CFAP70: variants seen among roughly 807,000 people sequenced by gnomAD.
CFAP70 encodes the protein cilia and flagella associated protein 70.
CFAP70 carries 81 observed loss-of-function variants against 137.6 expected under a neutral mutation model. The ratio of observed to expected loss-of-function variants is 0.59; its 90% CI spans 0.49 to 0.71. CFAP70 has a LOEUF of 0.71. Among genes scored for constraint, CFAP70 ranks in the 30% least tolerant of loss-of-function variants. The pLI, the probability that CFAP70 is intolerant of heterozygous loss-of-function variation, is 0.00. For missense variants in CFAP70, 976 were observed against 1,226.7 expected (o/e 0.80, Z 3.05); for synonymous variants, 382 against 423.6 (o/e 0.90, Z 1.20).
At chr10:73,322,764 A>AG (rs1220160818) in intron 9 of CFAP70, among the ~76,000 whole-genome samples, 199 bp downstream of exon 10, 5 of 152,156 alleles carry the variant, frequency 3.3e-5, no homozygotes, top group African/African-American at 1.2e-4. Context: ...ATAGAGATTT[A>AG]GGTTTTCAGT....
chr10:73,260,791 T>C (rs992910654), intron 25 of CFAP70, among the ~76,000 whole-genome samples: 2 of 152,232 alleles, frequency 1.3e-5, no homozygotes, highest in Non-Finnish European at 2.9e-5. Flanking sequence ...TGAATCAGAA[T>C]TTCATTTTAA....
intron 6 of CFAP70, among the ~76,000 whole-genome samples, chr10:73,340,663 G>A (rs113794116): frequency 5.3e-5 from 8 of 152,304 alleles, no homozygotes; most frequent in Admixed American, 3.3e-4. Flanking sequence ...TCCCATGCTC[G>A]TGGGTGCCCA....
chr10:73,331,126 G>T, intron 8 of CFAP70, 51 bp downstream of exon 9: 1 of 1,272,598 alleles, frequency 7.9e-7, no homozygotes, highest in Non-Finnish European at 1.1e-6. Context: ...ATAACAGGTC[G>T]GGTCTGATTC....
intron 24 of CFAP70, among the ~76,000 whole-genome samples, chr10:73,270,850 T>C (rs1384309971): frequency 6.6e-6 from 1 of 151,688 alleles, no homozygotes; most frequent in Non-Finnish European, 1.5e-5. Context: ...TTTTTCTGCT[T>C]TAAAATAATT....
intron 19 of CFAP70, among the ~76,000 whole-genome samples, chr10:73,287,238 C>T (rs543507303): frequency 6.6e-6 from 1 of 152,138 alleles, no homozygotes; most frequent in South Asian, 2.1e-4. Flanking sequence ...AATTTCAGAG[C>T]CTATTGCTCC....
chr10:73,311,723 A>T, intron 11 of CFAP70, 111 bp downstream of exon 12: 1 of 908,536 alleles, frequency 1.1e-6, no homozygotes, highest in Admixed American at 2.0e-5. Flanking sequence ...GTCATGGGCA[A>T]ATATGGAATG....
chr10:73,278,744 G>C (rs2046992123), intron 19 of CFAP70, among the ~76,000 whole-genome samples: 1 of 151,660 alleles, frequency 6.6e-6, no homozygotes, highest in South Asian at 2.1e-4. Context: ...ACTTTGGGAG[G>C]CCGAGGCAGG....
chr10:73,292,829 T>C (rs1052724928), intron 16 of CFAP70, among the ~76,000 whole-genome samples: 1 of 152,176 alleles, frequency 6.6e-6, no homozygotes, highest in Non-Finnish European at 1.5e-5. Flanking sequence ...CTTTGCTCTA[T>C]GGAGCAAAGT....
chr10:73,255,360 A>G (rs373348293), intron 26 of CFAP70, among the ~76,000 whole-genome samples: 4 of 151,928 alleles, frequency 2.6e-5, no homozygotes, highest in African/African-American at 9.7e-5. Flanking sequence ...GCGCCACTGC[A>G]CTCCAGCCTG....
At chr10:73,350,710 T>C (rs2054123603) in intron 3 of CFAP70, among the ~76,000 whole-genome samples, 3 of 152,246 alleles carry the variant, frequency 2.0e-5, no homozygotes, top group South Asian at 4.1e-4. Flanking sequence ...TTATGGTACT[T>C]ACATGATTTA....
At chr10:73,350,078 C>T (rs1295599669) in intron 3 of CFAP70, among the ~76,000 whole-genome samples, 1 of 152,202 alleles carries the variant, frequency 6.6e-6, no homozygotes, top group African/African-American at 2.4e-5. Flanking sequence ...TGTTCAAAGA[C>T]CACATATTGC....
chr10:73,272,790 TG>T (rs2133748679), intron 24 of CFAP70, 137 bp downstream of exon 25: 1 of 785,714 alleles, frequency 1.3e-6, no homozygotes, highest in Admixed American at 2.0e-5. Flanking sequence ...TGAACACCTT[TG>T]AAGAACAACT....
chr10:73,290,970 C>T (rs1014930105), intron 19 of CFAP70, among the ~76,000 whole-genome samples: 18 of 152,078 alleles, frequency 1.2e-4, no homozygotes, highest in Admixed American at 7.2e-4. Flanking sequence ...TTACTGAGTG[C>T]CTACCATGTG....
intron 7 of CFAP70, among the ~76,000 whole-genome samples, chr10:73,334,355 G>A (rs563948869): frequency 6.6e-6 from 1 of 152,302 alleles, no homozygotes; most frequent in South Asian, 2.1e-4. Context: ...GGTTCCAGAA[G>A]AGGGGTTAAG....
chr10:73,272,487 A>C (rs965463051), intron 24 of CFAP70, among the ~76,000 whole-genome samples: 2 of 152,242 alleles, frequency 1.3e-5, no homozygotes, highest in Non-Finnish European at 2.9e-5. Flanking sequence ...GGGAAGGTTA[A>C]GTAAAGAGTT....
At chr10:73,351,815 G>A (rs112318590) in intron 3 of CFAP70, among the ~76,000 whole-genome samples, 3,347 of 152,304 alleles carry the variant, frequency 0.022, 89 homozygotes, top group Admixed American at 0.027. Flanking sequence ...TTTTCCTATT[G>A]TTATGAATCT....
At chr10:73,340,418 C>T (rs2132405797) in intron 6 of CFAP70, among the ~76,000 whole-genome samples, 1 of 152,352 alleles carries the variant, frequency 6.6e-6, no homozygotes, top group Admixed American at 6.5e-5. Flanking sequence ...CATGGGAGGC[C>T]ATGGGTGGGG....
chr10:73,288,213 T>C (rs1157858351), intron 19 of CFAP70, among the ~76,000 whole-genome samples: 2 of 151,976 alleles, frequency 1.3e-5, no homozygotes, highest in African/African-American at 4.8e-5. Context: ...ATCAAAAACA[T>C]TGATGGGCAC....
exon 9 of CFAP70, chr10:73,322,977 C>T (rs1360006280): frequency 5.0e-6 from 8 of 1,606,928 alleles, no homozygotes; most frequent in Non-Finnish European, 5.9e-6. Flanking sequence ...TCATGGACTA[C>T]ACTGTCTAGG....
Sources: gnomAD v4.1 joint callset for allele counts (sites outside exome capture counted in the v4.1 genomes callset) on GRCh38, gnomAD v4.1.1 for gene constraint, MANE v1.5 for transcripts, NCBI Gene and HGNC (gene_info 2026-07-23, HGNC 2026-07-21) for gene names.